The following VAV2 variants were observed in gnomAD, a reference collection of about 807,000 sequenced individuals.
VAV2 encodes the protein vav guanine nucleotide exchange factor 2.
VAV2 carries 67 observed loss-of-function variants against 132.5 expected under a neutral mutation model. The observed-to-expected ratio is 0.51, with a 90% CI of 0.42 to 0.62. VAV2 has a LOEUF of 0.62. VAV2 is among the 20% of genes least tolerant of loss of function. The pLI is 0.00. For synonymous variants in VAV2, 492 were observed against 443.5 expected, an observed-to-expected ratio of 1.11 and a Z score of -1.37; for missense variants, 938 against 1,153.6, an observed-to-expected ratio of 0.81 and a Z score of 2.71.
At chr9:133,806,649 C>A (rs1020981593) in intron 8 of VAV2, among the ~76,000 whole-genome samples, 2 of 152,200 alleles carry the variant, frequency 1.3e-5, no homozygotes, top group South Asian at 4.1e-4. Flanking sequence ...CTCTGGGGTC[C>A]AAGCCAGCCT....
intron 1 of VAV2, among the ~76,000 whole-genome samples, chr9:133,943,993 C>T (rs2132153909): frequency 6.6e-6 from 1 of 152,288 alleles, no homozygotes; most frequent in South Asian, 2.1e-4. Context: ...ACAGGAGAGG[C>T]GGCGCAGGGC....
In VAV2 at chr9:133,807,313, G is replaced by A. The variant is rs1291614851; in HGVS notation, c.680C>T (p.Pro227Leu). 1.2e-6 allele frequency: 2 copies of A among 1,610,700 alleles called. No individual in the cohort carries two copies. Among genetic ancestry groups the A allele is most frequent in the Admixed American group, 1.7e-5 (1 of 59,820 alleles). ...LEDIEKNYMS[P>L]LRLVLSPADM... The stretch of plus-strand genomic sequence containing the variant: ...CGCCGGGCTCAGCACCAGCCGCAGG[G>A]GGCTCATGTAGTTCTGGAAGAGAGA... The change falls in exon 8 of 30, where the codon CCC (proline) becomes CTC (leucine). Residue 227 changes from proline to leucine, a missense_variant. Transcript: ENST00000371850.
chr9:133,875,316 C>A (rs1162722764), intron 2 of VAV2, among the ~76,000 whole-genome samples: 1 of 152,236 alleles, frequency 6.6e-6, no homozygotes, highest in South Asian at 2.1e-4. Flanking sequence ...ACAGAGCCAA[C>A]TGCCCCCACC....
intron 1 of VAV2, among the ~76,000 whole-genome samples, chr9:133,966,774 C>T (rs1210930488): frequency 1.3e-5 from 2 of 151,934 alleles, no homozygotes; most frequent in African/African-American, 2.4e-5. Flanking sequence ...ATGGCTCATG[C>T]CTGTAATCCC....
intron 1 of VAV2, among the ~76,000 whole-genome samples, chr9:133,946,116 GCAGCCA>G (rs1285071337): frequency 6.6e-6 from 1 of 152,234 alleles, no homozygotes; most frequent in Non-Finnish European, 1.5e-5. Context: ...GAGCTGAGGA[GCAGCCA>G]CAGTGCACGA....
chr9:133,765,137 T>C (rs2131555155), intron 29 of VAV2, among the ~76,000 whole-genome samples: 2 of 152,288 alleles, frequency 1.3e-5, no homozygotes, highest in South Asian at 4.1e-4. Context: ...CTATAGATAG[T>C]CAAAAAATCA....
chr9:133,883,101 C>T lies in VAV2; in HGVS notation c.322-21669G>A, dbSNP rs552994102. 2.6e-5 allele frequency among the ~76,000 whole-genome samples: 4 copies of T among 152,332 alleles called. No homozygotes were observed. The South Asian group carries it at 8.3e-4, about 32-fold the overall frequency. On this transcript the variant is annotated intron_variant, in intron 2 of 29. Coordinates refer to ENST00000371850, the MANE Select transcript of VAV2 (RefSeq NM_001134398.2). This position sits in a 1 kb window ranked among gnomAD's most constrained non-coding sequence, Gnocchi z 4.2. ...CCAGGCTCCATCCCTATGTCCCCAC[C>T]CCCTGCTGCTCTCTCTGGATCCTTC...
Position 133,777,409 on chromosome 9 carries a change from G to A in VAV2, c.1945C>T (p.Pro649Ser). 6.2e-7 allele frequency: 1 copy of A among 1,613,792 alleles called. No homozygotes were observed. Among genetic ancestry groups the A allele is most frequent in the East Asian group, 2.2e-5 (1 of 44,890 alleles). ...CTCACCCTTCCATCCACAGGGCAGG[G>A]CTTCACAGATGAGCTGGGGAAATAC... ...SGYFPSSSVKPCPVDGRPPIS... is the reference protein window; with the variant it reads ...SGYFPSSSVKSCPVDGRPPIS... The change falls in exon 23 of 30, where the codon CCC becomes TCC. Residue 649 changes from proline to serine, a missense_variant. Physicochemically the swap from Pro to Ser is moderately conservative, Grantham distance 74 (BLOSUM62 -1). Transcript: ENST00000371850.
intron 1 of VAV2, among the ~76,000 whole-genome samples, chr9:133,986,913 T>A (rs2132309674): frequency 6.6e-6 from 1 of 152,260 alleles, no homozygotes; most frequent in East Asian, 1.9e-4. Context: ...AGAAGCCTCA[T>A]GAGAGCAGGG....
At chr9:133,967,322 T>C (rs1842174785) in intron 1 of VAV2, among the ~76,000 whole-genome samples, 1 of 152,160 alleles carries the variant, frequency 6.6e-6, no homozygotes, top group African/African-American at 2.4e-5. Context: ...CGTAGACTAA[T>C]ACAGCCACTA....
chr9:133,798,988 AT>A (rs1834828520), intron 9 of VAV2, among the ~76,000 whole-genome samples: 1 of 152,126 alleles, frequency 6.6e-6, no homozygotes, highest in Non-Finnish European at 1.5e-5. Context: ...CCTCTGGGCC[AT>A]TTCTCTTTCC....
chr9:133,965,477 T>C (rs1842112703), intron 1 of VAV2, among the ~76,000 whole-genome samples: 1 of 140,026 alleles, frequency 7.1e-6, no homozygotes, highest in Non-Finnish European at 1.5e-5. Context: ...CCAGCCTGGA[T>C]GACAGAGCGA....
chr9:133,816,240 G>A (rs533881953), intron 4 of VAV2, among the ~76,000 whole-genome samples: 2 of 152,204 alleles, frequency 1.3e-5, no homozygotes. Context: ...AGTCAGATAT[G>A]TTTTGTGATT....
At chr9:133,812,064 C>T (rs993827468) in intron 5 of VAV2, 50 bp downstream of exon 5, 18 of 1,580,356 alleles carry the variant, frequency 1.1e-5, no homozygotes, top group Non-Finnish European at 1.6e-5. Flanking sequence ...GGCCAGGCTG[C>T]TCTGCGAGGG....
At position 133,918,034 on chromosome 9, in the gene VAV2, A is replaced by G. The variant is rs1270340594; in HGVS notation, c.321+21069T>C. Among the ~76,000 whole-genome samples the G allele has an allele frequency of 6.6e-6, 1 of 150,766 alleles. No homozygotes were observed. The highest frequency in any genetic ancestry group is 1.5e-5 in the Non-Finnish European group (1 of 67,836). On this transcript the variant is annotated intron_variant, in intron 2 of 29. Transcript: ENST00000371850. This position sits in a 1 kb window ranked among gnomAD's most constrained non-coding sequence, Gnocchi z 4.7. ...TTCCACAGGAGGTCAGCAATTTCTCATTTCCCTGCTTCACCAACTCCATTT... is the reference window on the plus strand; with the variant it reads ...TTCCACAGGAGGTCAGCAATTTCTCGTTTCCCTGCTTCACCAACTCCATTT...
At chr9:133,911,938 C>A (rs1414028565) in intron 2 of VAV2, among the ~76,000 whole-genome samples, 1 of 152,092 alleles carries the variant, frequency 6.6e-6, no homozygotes, top group African/African-American at 2.4e-5. Context: ...TTTTTTATTT[C>A]CAACTTTTAA....
chr9:133,785,351 G>T (rs1834176397), intron 17 of VAV2, among the ~76,000 whole-genome samples: 1 of 152,190 alleles, frequency 6.6e-6, no homozygotes, highest in Non-Finnish European at 1.5e-5. Flanking sequence ...TGGATCTCAT[G>T]GAAAAATAGT....
chr9:133,779,068 ATAAT>A (rs775484060), intron 21 of VAV2, among the ~76,000 whole-genome samples, 179 bp from the exon 22 acceptor site: 2 of 152,226 alleles, frequency 1.3e-5, no homozygotes, highest in African/African-American at 2.4e-5. Context: ...GATAAATATC[ATAAT>A]TATTTATGCA....
rs1211640122 is a variant in VAV2 at position 133,870,957 on chromosome 9, C to T, written c.322-9525G>A. Among the ~76,000 whole-genome samples, 12 of 5,606 alleles carry T rather than the reference C, an allele frequency of 2.1e-3. 1 individual carries two copies. The highest frequency in any genetic ancestry group is 3.1e-3 in the Non-Finnish European group (9 of 2,868). The allele number at this position is 5,606 out of a possible 152,430, so 3.7% of individuals were successfully genotyped here. On this transcript the variant is annotated intron_variant, in intron 2 of 29. Coordinates refer to ENST00000371850, the MANE Select transcript of VAV2 (RefSeq NM_001134398.2). ...GTGGATGGATGGGCAGATGGGTAGA[C>T]GGGTGGGTGGGTGGGTAGATGGATG...
Sources: allele counts gnomAD v4.1 joint callset (sites outside exome capture counted in the v4.1 genomes callset), GRCh38; gene constraint gnomAD v4.1.1; non-coding constraint Gnocchi (gnomAD v3.1); transcripts MANE v1.5; gene names NCBI Gene and HGNC (gene_info 2026-07-23, HGNC 2026-07-21).